The following MBNL1 variants were observed in gnomAD, a reference collection of about 807,000 sequenced individuals.
The protein encoded by MBNL1 is muscleblind-like protein 1.
In MBNL1, 8 loss-of-function variants were observed where a neutral mutation model predicts 42.2. The ratio of observed to expected loss-of-function variants is 0.19; its 90% CI spans 0.11 to 0.34. The LOEUF is 0.34. Ranked by LOEUF, MBNL1 falls within the 10% of genes least tolerant of loss-of-function variation. The pLI is 1.00. For missense variants in MBNL1, 309 were observed against 495.3 expected, an observed-to-expected ratio of 0.62 and a Z score of 3.57; for synonymous variants, 169 against 173.9, an observed-to-expected ratio of 0.97 and a Z score of 0.22.
chr3:152,411,892 C>T (rs2098587493), intron 2 of MBNL1, among the ~76,000 whole-genome samples: 1 of 152,112 alleles, frequency 6.6e-6, no homozygotes, highest in South Asian at 2.1e-4. Context: ...CAACTCAGAA[C>T]CAAGATTTGG....
intron 2 of MBNL1, among the ~76,000 whole-genome samples, chr3:152,354,391 G>T (rs1210050962): frequency 6.6e-6 from 1 of 152,142 alleles, no homozygotes; most frequent in Admixed American, 6.5e-5. Flanking sequence ...TGAGGTGGAG[G>T]CTGCCGTGAG....
At chr3:152,397,410 A>T (rs913070339) in intron 2 of MBNL1, among the ~76,000 whole-genome samples, 5 of 151,854 alleles carry the variant, frequency 3.3e-5, no homozygotes, top group African/African-American at 4.8e-5. Flanking sequence ...CCCTTCGTCC[A>T]TGTGTTCTGA....
chr3:152,386,880 G>C (rs2097453464), intron 2 of MBNL1, among the ~76,000 whole-genome samples: 1 of 151,962 alleles, frequency 6.6e-6, no homozygotes, highest in African/African-American at 2.4e-5. Flanking sequence ...AGGTTGATTT[G>C]TTAGAAACAT....
At chr3:152,444,469 A>G (rs2153833799) in intron 4 of MBNL1, among the ~76,000 whole-genome samples, 1 of 152,360 alleles carries the variant, frequency 6.6e-6, no homozygotes, top group African/African-American at 2.4e-5. Context: ...AAACATTTTC[A>G]TAAAAAGCTA....
intron 2 of MBNL1, among the ~76,000 whole-genome samples, chr3:152,380,578 T>G (rs1417570374): frequency 3.3e-5 from 5 of 152,092 alleles, no homozygotes; most frequent in African/African-American, 1.2e-4. Context: ...CTTGGCTAAA[T>G]GTGTCCAGAG....
intron 2 of MBNL1, among the ~76,000 whole-genome samples, chr3:152,255,116 G>T (rs1332448243): frequency 6.6e-6 from 1 of 152,068 alleles, no homozygotes; most frequent in Non-Finnish European, 1.5e-5. Flanking sequence ...AATATTAAAA[G>T]AAATAGATTT....
At chr3:152,314,814 T>C (rs1347403953) in intron 2 of MBNL1, among the ~76,000 whole-genome samples, 1 of 152,226 alleles carries the variant, frequency 6.6e-6, no homozygotes, top group Non-Finnish European at 1.5e-5. Flanking sequence ...CCTGATTTTT[T>C]TGGCTTTTCA....
chr3:152,420,016 C>T (rs985018973), intron 3 of MBNL1, among the ~76,000 whole-genome samples: 2 of 152,176 alleles, frequency 1.3e-5, no homozygotes, highest in African/African-American at 4.8e-5. Context: ...GCAGAAACCA[C>T]CTCAGCACAG....
At chr3:152,253,466 T>G (rs532724340) in intron 2 of MBNL1, among the ~76,000 whole-genome samples, 22 of 152,162 alleles carry the variant, frequency 1.4e-4, no homozygotes, top group Non-Finnish European at 2.9e-4. Flanking sequence ...AGAAACCCTC[T>G]TTTTCTATTC....
At chr3:152,308,599 C>T (rs1413759133) in intron 2 of MBNL1, among the ~76,000 whole-genome samples, 1 of 152,084 alleles carries the variant, frequency 6.6e-6, no homozygotes, top group East Asian at 1.9e-4. Flanking sequence ...TTCCAAGTGA[C>T]CCCCATGTTT....
chr3:152,353,286 T>G (rs2095242342), intron 2 of MBNL1, among the ~76,000 whole-genome samples: 1 of 152,204 alleles, frequency 6.6e-6, no homozygotes, highest in African/African-American at 2.4e-5. Flanking sequence ...TGAGGCTGTG[T>G]CAGAGAGAGA....
chr3:152,326,172 T>A (rs2079930845), intron 2 of MBNL1, among the ~76,000 whole-genome samples: 1 of 152,222 alleles, frequency 6.6e-6, no homozygotes, highest in South Asian at 2.1e-4. Flanking sequence ...CTTTTCCTGA[T>A]TGTCACAGCA....
At chr3:152,344,956 AT>A (rs2093987023) in intron 2 of MBNL1, among the ~76,000 whole-genome samples, 1 of 152,132 alleles carries the variant, frequency 6.6e-6, no homozygotes, top group Non-Finnish European at 1.5e-5. Flanking sequence ...TAGAGTAGAA[AT>A]TACGTGACAT....
At chr3:152,294,345 G>C (rs1290567774) in intron 1 of MBNL1, among the ~76,000 whole-genome samples, 1 of 145,876 alleles carries the variant, frequency 6.9e-6, no homozygotes, top group East Asian at 2.0e-4. Context: ...GTGCAGTGGT[G>C]TGATCTCGGC....
At chr3:152,273,587 TTA>T (rs1429363179) in intron 1 of MBNL1, among the ~76,000 whole-genome samples, 3 of 152,226 alleles carry the variant, frequency 2.0e-5, no homozygotes, top group Admixed American at 6.5e-5. Flanking sequence ...CTGTTTTTGA[TTA>T]TGTTCTCTAG....
In MBNL1 at chr3:152,464,937, C is replaced by T. The variant is rs183553935; in HGVS notation, c.*2571C>T. The T allele has an allele frequency of 2.0e-5, 3 of 152,690 alleles. No homozygotes were observed. The highest frequency in any genetic ancestry group is 2.0e-4 in the Admixed American group (3 of 15,292). The allele number at this position is 152,690 out of a possible 1,614,324, so 9.5% of individuals were successfully genotyped here. ...TACAATGACAGACTGAGCAAAATTG[C>T]TTGCAAAAGTGGCACAGAGTTAGCA... On this transcript the variant is annotated 3_prime_UTR_variant, in exon 10 of 10. Transcript: ENST00000324210.
rs185615237 is a variant in MBNL1 at position 152,392,596 on chromosome 3, A to G, written c.175-22345A>G. ...AAGCCTTGATGTTGAGATTTTGAAT[A>G]ATACATGTCTGTTTTAACATTTATC... On this transcript the variant is annotated intron_variant, in intron 2 of 9. Transcript: ENST00000324210. Among the ~76,000 whole-genome samples the G allele has an allele frequency of 7.0e-4, 107 of 152,390 alleles. 2 individuals are homozygous for G. In the East Asian group the frequency reaches 0.017, roughly 24 times the overall value.
chr3:152,269,571 T>A (rs1404010455), intron 1 of MBNL1: 1 of 451,228 alleles, frequency 2.2e-6, no homozygotes, highest in African/African-American at 2.0e-5. Flanking sequence ...CACGCAAAGG[T>A]TAATTCTCTG....
chr3:152,264,635 G>T (rs967212234), upstream of MBNL1: 1 of 152,112 alleles, frequency 6.6e-6, no homozygotes, highest in Non-Finnish European at 1.5e-5. Context: ...AGGGAACAAG[G>T]CCAGATGCTC....
Sources: allele counts gnomAD v4.1 joint callset (sites outside exome capture counted in the v4.1 genomes callset), GRCh38; gene constraint gnomAD v4.1.1; transcripts MANE v1.5; gene names NCBI Gene and HGNC (gene_info 2026-07-23, HGNC 2026-07-21).